NUP35: variants seen among roughly 807,000 people sequenced by gnomAD.
NUP35 encodes nucleoporin 35, also known as nucleoporin NUP35.
Under a neutral mutation model 41.5 loss-of-function variants are expected in NUP35, and 25 were observed. The observed-to-expected ratio is 0.60, with a 90% CI of 0.44 to 0.84. The LOEUF (loss-of-function observed/expected upper bound fraction) is 0.84, where lower values mean the gene tolerates loss of function less well. Among genes scored for constraint, NUP35 ranks in the 40% least tolerant of loss-of-function variants. NUP35 has a pLI of 0.00. For synonymous variants in NUP35, 149 were observed against 130.7 expected (o/e 1.14, Z -0.96); for missense variants, 396 against 396.6 (o/e 1.00, Z 0.01).
chr2:183,156,775 T>C (rs1052610009), intron 5 of NUP35, among the ~76,000 whole-genome samples: 1 of 152,138 alleles, frequency 6.6e-6, no homozygotes, highest in African/African-American at 2.4e-5. Context: ...TTGGTAGTGG[T>C]TATTGTTTTC....
chr2:183,155,667 C>A (rs1233167718), intron 5 of NUP35, among the ~76,000 whole-genome samples: 1 of 150,690 alleles, frequency 6.6e-6, no homozygotes, highest in Non-Finnish European at 1.5e-5. Context: ...CAATTCCTGG[C>A]CTCAAGCAAT....
At chr2:183,151,077 A>AAGT (rs1262032926) in intron 4 of NUP35, among the ~76,000 whole-genome samples, 1 of 152,194 alleles carries the variant, frequency 6.6e-6, no homozygotes, top group African/African-American at 2.4e-5. Flanking sequence ...CATACTGGAA[A>AAGT]AGTAAGGTTG....
At chr2:183,121,560 G>T (rs531888957), upstream of NUP35, among the ~76,000 whole-genome samples, 1 of 152,076 alleles carries the variant, frequency 6.6e-6, no homozygotes, top group African/African-American at 2.4e-5. Flanking sequence ...AGGGCTGGGC[G>T]CGGTGGCTCA....
At chr2:183,146,714 A>G (rs1685291596) in intron 4 of NUP35, among the ~76,000 whole-genome samples, 1 of 151,748 alleles carries the variant, frequency 6.6e-6, no homozygotes, top group African/African-American at 2.4e-5. Flanking sequence ...CTCTTGTCTC[A>G]GCTTCCCGAG....
intron 4 of NUP35, among the ~76,000 whole-genome samples, chr2:183,143,952 T>C (rs1435538666): frequency 6.6e-6 from 1 of 152,228 alleles, no homozygotes; most frequent in East Asian, 1.9e-4. Flanking sequence ...TTATCCTTAC[T>C]TCAGATACTA....
intron 5 of NUP35, among the ~76,000 whole-genome samples, chr2:183,155,710 A>C (rs962719606): frequency 1.2e-4 from 18 of 152,088 alleles, no homozygotes; most frequent in Admixed American, 2.6e-4. Flanking sequence ...TAGTTGGGAT[A>C]ACAGGCATGA....
upstream of NUP35, among the ~76,000 whole-genome samples, chr2:183,119,837 C>T (rs1280430090): frequency 6.6e-6 from 1 of 152,068 alleles, no homozygotes; most frequent in Non-Finnish European, 1.5e-5. Context: ...AGGTACATGC[C>T]ACCCCACCCT....
chr2:183,129,812 C>T (rs1374817087), intron 2 of NUP35, among the ~76,000 whole-genome samples: 1 of 152,202 alleles, frequency 6.6e-6, no homozygotes, highest in Non-Finnish European at 1.5e-5. Flanking sequence ...ATTAGTCTTA[C>T]CGATGGCCTG....
intron 8 of NUP35, chr2:183,160,782 T>A (rs371312521): frequency 4.8e-5 from 10 of 206,736 alleles, no homozygotes; most frequent in East Asian, 4.2e-4. Flanking sequence ...ATATTTTAAT[T>A]TTAAAAATAT....
chr2:183,151,452 TAGAA>T, intron 4 of NUP35, 52 bp from the exon 5 acceptor site: 1 of 1,528,690 alleles, frequency 6.5e-7, no homozygotes, highest in South Asian at 1.2e-5. Context: ...ATTTTTGATT[TAGAA>T]TCAATCGAGG....
At chr2:183,128,233 ATGTAACAGAAAC>A (rs1684567232) in intron 1 of NUP35, 42 bp from the exon 2 acceptor site, 2 of 1,374,080 alleles carry the variant, frequency 1.5e-6, no homozygotes, top group African/African-American at 1.5e-5. Flanking sequence ...TGTCATCAAC[ATGTAACAGAAAC>A]TGTAACAGAA....
chr2:183,152,199 T>A (rs1347708044), intron 5 of NUP35, among the ~76,000 whole-genome samples: 5 of 51,158 alleles, frequency 9.8e-5, no homozygotes, highest in African/African-American at 2.3e-4. Context: ...GTATTGAATA[T>A]TAATAGAAAC....
Position 183,157,502 on chromosome 2 carries a change from T to G in NUP35, c.598T>G (p.Leu200Val). The change falls in exon 6 of 9, where the codon TTA becomes GTA. Residue 200 changes from leucine to valine, a missense_variant. Physicochemically the swap from Leu to Val is conservative, Grantham distance 32. Coordinates refer to ENST00000295119, the MANE Select transcript of NUP35 (RefSeq NM_138285.5). ...ACAATTTGCACAGTATGGGAATATC[T>G]TAAAACATGTGGTAAGGCTTAATTT... is the stretch of plus-strand genomic sequence containing the variant. ...LLQFAQYGNI[L>V]KHVMSNTGNW... 6.2e-7 allele frequency: 1 copy of G among 1,608,306 alleles called. No homozygotes were observed.
upstream of NUP35, among the ~76,000 whole-genome samples, chr2:183,120,375 G>A (rs1476409038): frequency 4.0e-5 from 6 of 151,218 alleles, no homozygotes; most frequent in African/African-American, 1.5e-4. Context: ...GAACACGGGA[G>A]GCAGATGTTG....
chr2:183,145,107 T>C (rs1422348446), intron 4 of NUP35, among the ~76,000 whole-genome samples: 3 of 152,218 alleles, frequency 2.0e-5, no homozygotes, highest in African/African-American at 7.2e-5. Context: ...GGAATGTCTT[T>C]GTAGTAACTA....
intron 1 of NUP35, among the ~76,000 whole-genome samples, chr2:183,125,483 A>G (rs1684428232): frequency 1.3e-5 from 2 of 152,236 alleles, no homozygotes; most frequent in Non-Finnish European, 2.9e-5. Context: ...TTGGTGTAAA[A>G]TAAGTTCTTT....
exon 1 of NUP35, chr2:183,117,560 T>C (rs1456792973): frequency 1.3e-5 from 2 of 152,218 alleles, no homozygotes; most frequent in Non-Finnish European, 2.9e-5. Context: ...AGTGATAAGA[T>C]GCTCTCTCCC....
intron 4 of NUP35, among the ~76,000 whole-genome samples, chr2:183,148,589 T>C (rs773961261): frequency 4.0e-4 from 61 of 152,308 alleles, no homozygotes; most frequent in Non-Finnish European, 7.3e-4. Flanking sequence ...TAGCCATTTG[T>C]ATGTCTTTTG....
At chr2:183,137,021 C>T (rs1320103545) in intron 4 of NUP35, among the ~76,000 whole-genome samples, 1 of 151,852 alleles carries the variant, frequency 6.6e-6, no homozygotes, top group Non-Finnish European at 1.5e-5. Context: ...ACCTGGGAGG[C>T]AGAGGTTGGA....
Sources: gnomAD v4.1 joint callset for allele counts (sites outside exome capture counted in the v4.1 genomes callset) on GRCh38, gnomAD v4.1.1 for gene constraint, MANE v1.5 for transcripts, NCBI Gene and HGNC (gene_info 2026-07-23, HGNC 2026-07-21) for gene names.